Variants in EPHB1 observed in about 807,000 individuals in gnomAD.
The protein encoded by EPHB1 is EPH receptor B1, also known as ephrin type-B receptor 1.
EPHB1 carries 30 observed loss-of-function variants against 94.4 expected under a neutral mutation model. The ratio of observed to expected loss-of-function variants is 0.32; its 90% confidence interval spans 0.24 to 0.43. The LOEUF (loss-of-function observed/expected upper bound fraction) is 0.43, where lower values mean the gene tolerates loss of function less well. EPHB1 is among the 20% of genes least tolerant of loss of function. The pLI is 1.00. For missense variants in EPHB1, 1,055 were observed against 1,308.3 expected (o/e 0.81, Z 2.99); for synonymous variants, 522 against 489.1 (o/e 1.07, Z -0.89).
intron 1 of EPHB1, among the ~76,000 whole-genome samples, chr3:134,892,067 T>C (rs2037994991): frequency 6.6e-6 from 1 of 152,258 alleles, no homozygotes; most frequent in South Asian, 2.1e-4. Flanking sequence ...GCTACTCCCA[T>C]AGAAGTACTT....
At chr3:135,181,838 C>T (rs1942160302) in intron 10 of EPHB1, among the ~76,000 whole-genome samples, 1 of 152,156 alleles carries the variant, frequency 6.6e-6, no homozygotes, top group African/African-American at 2.4e-5. Context: ...GTAGCATTTG[C>T]CAGTGCTGCC....
chr3:135,039,366 T>C (rs1395308105), intron 3 of EPHB1, among the ~76,000 whole-genome samples: 4 of 152,222 alleles, frequency 2.6e-5, no homozygotes, highest in Non-Finnish European at 4.4e-5. Flanking sequence ...TGGCTTCACC[T>C]AGTGGATCCC....
At chr3:134,953,161 G>A (rs1184832188) in intron 3 of EPHB1, among the ~76,000 whole-genome samples, 4 of 152,252 alleles carry the variant, frequency 2.6e-5, no homozygotes, top group African/African-American at 9.6e-5. Context: ...CCCCCACCCT[G>A]CCTGAGCACC....
intron 15 of EPHB1, among the ~76,000 whole-genome samples, chr3:135,257,787 C>T (rs1680978584): frequency 6.6e-6 from 1 of 151,984 alleles, no homozygotes; most frequent in Admixed American, 6.6e-5. Flanking sequence ...CAAGCCTGGG[C>T]AATGGTGGGC....
At chr3:135,068,661 G>T (rs200895171) in intron 3 of EPHB1, among the ~76,000 whole-genome samples, 5,366 of 133,032 alleles carry the variant, frequency 0.04, 148 homozygotes, top group East Asian at 0.15. Flanking sequence ...TTTTTTTTTT[G>T]TTTTTGAGAC....
chr3:135,156,168 T>C (rs1941348220), intron 6 of EPHB1, among the ~76,000 whole-genome samples: 1 of 151,866 alleles, frequency 6.6e-6, no homozygotes, highest in African/African-American at 2.4e-5. Flanking sequence ...GAACAGAAGT[T>C]CAGTTCAGTG....
At chr3:134,996,052 T>C (rs1490154402) in intron 3 of EPHB1, among the ~76,000 whole-genome samples, 4 of 152,202 alleles carry the variant, frequency 2.6e-5, no homozygotes, top group Non-Finnish European at 4.4e-5. Flanking sequence ...CATGTTAACA[T>C]TTGCCTTATA....
chr3:135,189,346 G>A (rs1942403917), intron 10 of EPHB1, among the ~76,000 whole-genome samples: 1 of 152,188 alleles, frequency 6.6e-6, no homozygotes, highest in African/African-American at 2.4e-5. Flanking sequence ...GAGCTTGGAT[G>A]GTTTAAGCCT....
At chr3:135,214,710 G>A (rs1943108086) in intron 12 of EPHB1, among the ~76,000 whole-genome samples, 1 of 152,196 alleles carries the variant, frequency 6.6e-6, no homozygotes, top group Non-Finnish European at 1.5e-5. Context: ...CCAGGAGAGA[G>A]CATGCATTTC....
intron 15 of EPHB1, among the ~76,000 whole-genome samples, chr3:135,252,319 C>T (rs1933152036): frequency 6.7e-6 from 1 of 149,760 alleles, no homozygotes; most frequent in South Asian, 2.1e-4. Flanking sequence ...CACCCACTAA[C>T]TCGTCATCTA....
chr3:134,878,929 G>C (rs893000493), intron 1 of EPHB1, among the ~76,000 whole-genome samples: 5 of 152,314 alleles, frequency 3.3e-5, no homozygotes, highest in Non-Finnish European at 7.4e-5. Context: ...CTGCTCTCTT[G>C]TTTTTGGATA....
intron 3 of EPHB1, among the ~76,000 whole-genome samples, chr3:134,952,324 G>A (rs1933065268): frequency 6.6e-6 from 1 of 151,848 alleles, no homozygotes; most frequent in African/African-American, 2.4e-5. Flanking sequence ...AATATTTAGT[G>A]TTGAAGTGTT....
chr3:135,212,679 C>T (rs1470386446), intron 12 of EPHB1, among the ~76,000 whole-genome samples: 2 of 152,196 alleles, frequency 1.3e-5, no homozygotes, highest in Admixed American at 6.5e-5. Context: ...AATTCGTTCC[C>T]TTGGTTCCTC....
At chr3:134,916,357 A>G (rs1366957327) in intron 1 of EPHB1, among the ~76,000 whole-genome samples, 1 of 152,096 alleles carries the variant, frequency 6.6e-6, no homozygotes, top group Non-Finnish European at 1.5e-5. Context: ...GTGTGCCTGC[A>G]CTCCTCAGCC....
chr3:134,844,792 T>C (rs1409530739), intron 1 of EPHB1, among the ~76,000 whole-genome samples: 1 of 152,224 alleles, frequency 6.6e-6, no homozygotes, highest in East Asian at 1.9e-4. Flanking sequence ...GAGATGATTG[T>C]TTTTGTCATT....
chr3:135,117,783 C>G (rs1939773910), intron 4 of EPHB1, among the ~76,000 whole-genome samples: 1 of 152,250 alleles, frequency 6.6e-6, no homozygotes, highest in African/African-American at 2.4e-5. Context: ...AGCAACTCCT[C>G]TGAGTCACCT....
intron 12 of EPHB1, among the ~76,000 whole-genome samples, chr3:135,212,931 A>G (rs1298923371): frequency 1.3e-5 from 2 of 152,150 alleles, no homozygotes; most frequent in Non-Finnish European, 2.9e-5. Flanking sequence ...TATCCCCCTA[A>G]TCAGCAGTTC....
intron 1 of EPHB1, among the ~76,000 whole-genome samples, chr3:134,838,883 C>A (rs1353628861): frequency 2.0e-5 from 3 of 152,140 alleles, no homozygotes; most frequent in Non-Finnish European, 4.4e-5. Context: ...TGGAGGCAAA[C>A]CTTCTACCCC....
At chr3:134,906,722 C>G (rs538765836) in intron 1 of EPHB1, among the ~76,000 whole-genome samples, 1 of 152,344 alleles carries the variant, frequency 6.6e-6, no homozygotes, top group South Asian at 2.1e-4. Context: ...ACCATCATAA[C>G]ACTTATCAGA....
Sources: allele counts gnomAD v4.1 joint callset (sites outside exome capture counted in the v4.1 genomes callset), GRCh38; gene constraint gnomAD v4.1.1; transcripts MANE v1.5; gene names NCBI Gene and HGNC (gene_info 2026-07-23, HGNC 2026-07-21).